The following PLSCR4 variants were observed in gnomAD, a reference collection of about 807,000 sequenced individuals.
PLSCR4 encodes phospholipid scramblase 4.
A neutral mutation model predicts 36.3 loss-of-function variants in PLSCR4; 25 were observed. That is an observed-to-expected ratio of 0.69 (90% CI 0.50 to 0.96). The LOEUF (loss-of-function observed/expected upper bound fraction) is 0.96. Ranked by LOEUF, PLSCR4 falls within the 40% of genes least tolerant of loss-of-function variation. PLSCR4 has a pLI of 0.00. For synonymous variants in PLSCR4, 122 were observed against 132.9 expected, an observed-to-expected ratio of 0.92 and a Z score of 0.56; for missense variants, 408 against 414.7, an observed-to-expected ratio of 0.98 and a Z score of 0.14.
At chr3:146,196,434 A>G (rs901828264) in intron 7 of PLSCR4, 198 bp downstream of exon 7, 12 of 553,150 alleles carry the variant, frequency 2.2e-5, no homozygotes, top group Non-Finnish European at 2.9e-5. Context: ...TGAAGTCATA[A>G]AAAAAGCTTT....
Position 146,200,049 on chromosome 3 carries a change from A to G in PLSCR4, c.398-10T>C, listed in dbSNP as rs755374171. ...TCAAAACATGTCATCACTAAAAAAT[A>G]AAATGAGTAAGTCTATATTAGAAAC... On this transcript the variant is annotated splice_polypyrimidine_tract_variant and intron_variant, in intron 5 of 8. Transcript: ENST00000354952. The G allele has an allele frequency of 2.1e-6, 3 of 1,439,268 alleles. No homozygotes were observed. The Admixed American group carries it at 5.1e-5, about 25-fold the overall frequency. The allele number at this position is 1,439,268 out of a possible 1,614,324, so 89.2% of individuals were successfully genotyped here.
chr3:146,239,921 A>G (rs115485748), intron 1 of PLSCR4, among the ~76,000 whole-genome samples: 2,565 of 152,274 alleles, frequency 0.017, 78 homozygotes, highest in African/African-American at 0.058. Context: ...GCAAAAGATA[A>G]AGCTAATAAA....
intron 4 of PLSCR4, among the ~76,000 whole-genome samples, chr3:146,205,565 G>T (rs528953381): frequency 5.3e-5 from 8 of 152,126 alleles, no homozygotes; most frequent in Non-Finnish European, 1.0e-4. Flanking sequence ...GATACTGTAA[G>T]TCAATCTGAT....
intron 3 of PLSCR4, among the ~76,000 whole-genome samples, chr3:146,207,087 C>G (rs2034376243): frequency 6.6e-6 from 1 of 151,964 alleles, no homozygotes; most frequent in African/African-American, 2.4e-5. Flanking sequence ...ATAAACTTAC[C>G]TAATGAGGTT....
At chr3:146,232,383 A>C (rs1407688530) in intron 1 of PLSCR4, among the ~76,000 whole-genome samples, 1 of 152,084 alleles carries the variant, frequency 6.6e-6, no homozygotes, top group African/African-American at 2.4e-5. Context: ...GAAAAATGAC[A>C]TTGGTAGTTT....
intron 1 of PLSCR4, among the ~76,000 whole-genome samples, chr3:146,235,736 G>T (rs2107834479): frequency 6.6e-6 from 1 of 152,274 alleles, no homozygotes; most frequent in African/African-American, 2.4e-5. Flanking sequence ...TTAAATTGTT[G>T]TGACCAAATT....
chr3:146,196,415 A>G (rs555988580), intron 7 of PLSCR4: 102 of 494,550 alleles, frequency 2.1e-4, no homozygotes, highest in African/African-American at 2.0e-3. Flanking sequence ...TTTTATTTTT[A>G]TCAAGTACTG....
chr3:146,240,066 T>C (rs2036088127), intron 1 of PLSCR4, among the ~76,000 whole-genome samples: 1 of 152,132 alleles, frequency 6.6e-6, no homozygotes, highest in African/African-American at 2.4e-5. Context: ...AAAAGGTTTG[T>C]AATTCAAAGG....
At chr3:146,243,026 C>T (rs1330489613) in intron 1 of PLSCR4, among the ~76,000 whole-genome samples, 2 of 152,140 alleles carry the variant, frequency 1.3e-5, no homozygotes, top group East Asian at 1.9e-4. Context: ...CCATCAATCT[C>T]TCAGGGAGGA....
At chr3:146,245,685 T>C (rs1334991475) in intron 1 of PLSCR4, among the ~76,000 whole-genome samples, 3 of 152,068 alleles carry the variant, frequency 2.0e-5, no homozygotes, top group African/African-American at 7.2e-5. Context: ...TTAAAAAATA[T>C]GGAAACTGGA....
chr3:146,209,991 G>C (rs2034536911), intron 3 of PLSCR4, among the ~76,000 whole-genome samples: 1 of 152,024 alleles, frequency 6.6e-6, no homozygotes, highest in South Asian at 2.1e-4. Flanking sequence ...ATTCATAAAG[G>C]ATTGGTTCCA....
Position 146,194,351 on chromosome 3 carries a change from G to A in PLSCR4, c.*60C>T. 1 of 1,117,132 alleles carries A rather than the reference G, an allele frequency of 9.0e-7. No homozygotes were observed. Among genetic ancestry groups the A allele is most frequent in the South Asian group, 1.2e-5 (1 of 80,466 alleles). 69.2% of individuals were successfully genotyped at this position (1,117,132 alleles called of 1,614,324 possible). ...GCAAATAACTGAGTGCTGACTGTAA[G>A]CCCAATCCAACTTTTCCATTTTTCA... is the stretch of plus-strand genomic sequence containing the variant. On this transcript the variant is annotated 3_prime_UTR_variant, in exon 9 of 9. Coordinates refer to ENST00000354952, the MANE Select transcript of PLSCR4 (RefSeq NM_020353.3).
At chr3:146,200,685 T>C (rs2033999078) in intron 5 of PLSCR4, among the ~76,000 whole-genome samples, 1 of 152,090 alleles carries the variant, frequency 6.6e-6, no homozygotes, top group South Asian at 2.1e-4. Context: ...CTGGAGGTGA[T>C]TAGCTGACTG....
chr3:146,242,768 G>C (rs1028766833), intron 1 of PLSCR4, among the ~76,000 whole-genome samples: 5 of 152,160 alleles, frequency 3.3e-5, no homozygotes, highest in African/African-American at 4.8e-5. Flanking sequence ...AATGGCTACA[G>C]TGGGAAAATT....
intron 1 of PLSCR4, among the ~76,000 whole-genome samples, chr3:146,229,127 T>G (rs2035595910): frequency 6.6e-6 from 1 of 152,234 alleles, no homozygotes; most frequent in Non-Finnish European, 1.5e-5. Flanking sequence ...ATTATTCTGG[T>G]CTTTGCCCTG....
intron 1 of PLSCR4, among the ~76,000 whole-genome samples, chr3:146,246,891 C>T (rs1559931799): frequency 3.3e-5 from 5 of 152,020 alleles, no homozygotes; most frequent in Admixed American, 3.3e-4. Flanking sequence ...TACATTTATA[C>T]AAAAAAATCC....
At chr3:146,195,842 T>C (rs543260181) in intron 7 of PLSCR4, among the ~76,000 whole-genome samples, 1 of 152,342 alleles carries the variant, frequency 6.6e-6, no homozygotes, top group South Asian at 2.1e-4. Flanking sequence ...GCCCTAGCAA[T>C]CTGGCTTATC....
At chr3:146,216,740 C>T (rs1277055405) in intron 3 of PLSCR4, among the ~76,000 whole-genome samples, 1 of 70,690 alleles carries the variant, frequency 1.4e-5, no homozygotes, top group African/African-American at 3.7e-5. Context: ...AGAAGAGCAC[C>T]CCAGGCGTGA....
chr3:146,196,799 A>G lies in PLSCR4; in HGVS notation c.625-6T>C. ...GGAGGACACTGCACCTCCAGCTGCA[A>G]ACAAAACAGTGACAGAAGTTAGGAT... On this transcript the variant is annotated splice_region_variant and splice_polypyrimidine_tract_variant and intron_variant, in intron 6 of 8. Coordinates refer to ENST00000354952, the MANE Select transcript of PLSCR4 (RefSeq NM_020353.3). 1 of 1,613,398 alleles carries G rather than the reference A, an allele frequency of 6.2e-7. No individual in the cohort carries two copies. Among genetic ancestry groups the G allele is most frequent in the Non-Finnish European group, 8.5e-7 (1 of 1,179,608 alleles).
Sources: allele counts gnomAD v4.1 joint callset (sites outside exome capture counted in the v4.1 genomes callset), GRCh38; gene constraint gnomAD v4.1.1; transcripts MANE v1.5; gene names NCBI Gene and HGNC (gene_info 2026-07-23, HGNC 2026-07-21).